MYCBP2: variants seen among roughly 807,000 people sequenced by gnomAD.
The protein encoded by MYCBP2 is MYC binding protein 2.
In MYCBP2, 120 loss-of-function variants were observed where a neutral mutation model predicts 525.3. The ratio of observed to expected loss-of-function variants is 0.23; its 90% CI spans 0.20 to 0.27. MYCBP2 has a LOEUF of 0.27. MYCBP2 is among the 10% of genes least tolerant of loss of function. MYCBP2 has a pLI of 1.00. For missense variants in MYCBP2, 4,149 were observed against 5,657.1 expected (o/e 0.73, Z 8.55); for synonymous variants, 1,894 against 1,955.8 (o/e 0.97, Z 0.83).
At chr13:77,169,215 T>C (rs12875012) in intron 39 of MYCBP2, among the ~76,000 whole-genome samples, 5 of 151,778 alleles carry the variant, frequency 3.3e-5, no homozygotes. Flanking sequence ...GAGACCACGG[T>C]GAAACCCCGT....
intron 49 of MYCBP2, 36 bp downstream of exon 49, chr13:77,144,409 G>T: frequency 1.4e-6 from 2 of 1,396,342 alleles, no homozygotes; most frequent in Non-Finnish European, 2.0e-6. Context: ...CTAGTTATTT[G>T]AAGTAAGTAG....
At chr13:77,178,386 C>T (rs1358937119) in intron 34 of MYCBP2, among the ~76,000 whole-genome samples, 1 of 152,150 alleles carries the variant, frequency 6.6e-6, no homozygotes, top group African/African-American at 2.4e-5. Flanking sequence ...TTATGGTTCC[C>T]CTCTTCAACC....
intron 20 of MYCBP2, among the ~76,000 whole-genome samples, chr13:77,223,013 T>C (rs1170851962): frequency 6.6e-6 from 1 of 152,178 alleles, no homozygotes; most frequent in Non-Finnish European, 1.5e-5. Flanking sequence ...CTGAGTGAAG[T>C]CTGGCTTGAA....
In MYCBP2 at chr13:77,160,065, C is replaced by CTT. The variant is rs34051925; in HGVS notation, c.6597+1839_6597+1840dup. Among the ~76,000 whole-genome samples, 639 of 136,234 alleles carry CTT rather than the reference C, an allele frequency of 4.7e-3. 5 individuals are homozygous for CTT. The highest frequency in any genetic ancestry group is 7.9e-3 in the Non-Finnish European group (501 of 63,172). The allele number at this position is 136,234 out of a possible 152,430, so 89.4% of individuals were successfully genotyped here. On this transcript the variant is annotated intron_variant, in intron 44 of 82. Transcript: ENST00000544440. ...AGAAGACAGTGTTCAAAATCACAAA[C>CTT]TTTTTTTTTTTTTTTTTTGAGACGG...
chr13:77,276,816 G>GTTTTTTTTTTTTTTTTTTTTTTTT (rs397851660), intron 4 of MYCBP2, among the ~76,000 whole-genome samples: 1 of 76,232 alleles, frequency 1.3e-5, no homozygotes, highest in African/African-American at 5.7e-5. Context: ...TCCATGCCCA[G>GTTTTTTTTTTTTTTTTTTTTTTTT]TTTTTTTTTT....
Position 77,191,782 on chromosome 13 carries a change from C to A in MYCBP2, c.3967G>T (p.Val1323Phe). 1 of 1,614,050 alleles carries A rather than the reference C, an allele frequency of 6.2e-7. No homozygotes were observed. ...TACCACCACCCAGCTTGCAGGAGAA[C>A]AGGCTCATCAAACATCATTGCATAT... is the stretch of plus-strand genomic sequence containing the variant. ...EKYAMMFDEP[V>F]LLQAGWWYVA... The change falls in exon 28 of 83, where the codon GTT becomes TTT. Residue 1323 changes from valine (V) to phenylalanine (F), a missense_variant. Transcript: ENST00000544440.
In MYCBP2 at chr13:77,180,259, G is replaced by A. The variant is rs1312695476; in HGVS notation, c.5001C>T (p.Val1667=). ...SFREVLEKML[V]IVVLPVRNSL... is the part of the protein sequence containing the mutation. ...TGTTCCTGACTGGTAGCACAACAAT[G>A]ACCAGCATTTTCTCCAGAACTTCAC... The change falls in exon 34 of 83, where the codon GTC becomes GTT. Residue 1667 remains valine, a synonymous_variant. Transcript: ENST00000544440. The A allele has an allele frequency of 6.8e-6, 11 of 1,614,132 alleles. No homozygotes were observed. The Middle Eastern group carries it at 4.9e-4, about 73-fold the overall frequency.
At position 77,126,506 on chromosome 13, in the gene MYCBP2, T is replaced by C. The variant is rs930158513; in HGVS notation, c.7696A>G (p.Ile2566Val). The change falls in exon 53 of 83, where the codon ATA (isoleucine) becomes GTA (valine). Residue 2566 changes from isoleucine to valine, a missense_variant. Physicochemically the swap from Ile to Val is conservative, Grantham distance 29 (BLOSUM62 3). Coordinates refer to ENST00000544440, the MANE Select transcript of MYCBP2 (RefSeq NM_015057.5). ...GCTTCCTGTGGGCAGCAGGAGTTTA[T>C]GTCTTTGAAAAAGTCATCAGTATTA... ...KTNTDDFFKD[I>V]NSCCPQEATM... is the part of the protein sequence containing the mutation. 8 of 1,613,810 alleles carry C rather than the reference T, an allele frequency of 5.0e-6. No homozygotes were observed. Among genetic ancestry groups the C allele is most frequent in the Middle Eastern group, 1.7e-4 (1 of 6,048 alleles).
chr13:77,127,490 G>T (rs1249608833), intron 52 of MYCBP2, among the ~76,000 whole-genome samples: 1 of 151,724 alleles, frequency 6.6e-6, no homozygotes, highest in Non-Finnish European at 1.5e-5. Flanking sequence ...CTTTAAAAGA[G>T]ATTTAAAACT....
rs1236743429 is a variant in MYCBP2 at position 77,093,320 on chromosome 13, T to A, written c.10212A>T (p.Glu3404Asp). ...TGTCATCTTGATAGCCCACAAAATT[T>A]TCATGATGATGCCTGCATTAAATCA... is the stretch of plus-strand genomic sequence containing the variant. ...YLQTLARHHH[E>D]NFVGYQDDNL... Residue 3404 changes from glutamate (E) to aspartate (D), a missense_variant, in exon 59 of 83, where the codon GAA becomes GAT. Physicochemically the swap from Glu to Asp is conservative, Grantham distance 45. This residue lies in a region of MYCBP2 where 509 missense variants were observed against 789.4 expected (regional missense o/e 0.64). Transcript: ENST00000544440. 1 of 1,613,046 alleles carries A rather than the reference T, an allele frequency of 6.2e-7. No homozygotes were observed. The highest frequency in any genetic ancestry group is 8.5e-7 in the Non-Finnish European group (1 of 1,179,394).
At chr13:77,153,768 A>T (rs2056848957) in intron 46 of MYCBP2, among the ~76,000 whole-genome samples, 1 of 150,918 alleles carries the variant, frequency 6.6e-6, no homozygotes, top group Non-Finnish European at 1.5e-5. Context: ...TTTTTAATTC[A>T]CAGGAAGTTT....
intron 34 of MYCBP2, among the ~76,000 whole-genome samples, chr13:77,178,349 A>C (rs1214379724): frequency 6.6e-6 from 1 of 152,210 alleles, no homozygotes; most frequent in African/African-American, 2.4e-5. Context: ...AATTCTGCAG[A>C]GATAGGTGTG....
intron 3 of MYCBP2, among the ~76,000 whole-genome samples, chr13:77,280,077 T>C (rs2076032307): frequency 6.6e-6 from 1 of 152,234 alleles, no homozygotes; most frequent in Non-Finnish European, 1.5e-5. Flanking sequence ...ACTAAATTGT[T>C]TGCTAAAAAA....
At chr13:77,273,702 C>T in intron 4 of MYCBP2, 34 bp from the exon 5 acceptor site, 1 of 1,410,458 alleles carries the variant, frequency 7.1e-7, no homozygotes, top group Non-Finnish European at 9.4e-7. Context: ...TATATTCATC[C>T]AACATACGGA....
At chr13:77,056,203 G>T (rs1401761692) in intron 79 of MYCBP2, among the ~76,000 whole-genome samples, 1 of 148,618 alleles carries the variant, frequency 6.7e-6, no homozygotes, top group Non-Finnish European at 1.5e-5. Flanking sequence ...TGACAGAAGT[G>T]AACAGGTAGT....
intron 71 of MYCBP2, 81 bp downstream of exon 71, chr13:77,067,500 A>G (rs970096029): frequency 3.5e-6 from 5 of 1,438,506 alleles, no homozygotes; most frequent in Non-Finnish European, 9.5e-7. Context: ...TAACAAGGTA[A>G]AATCTGAAAT....
rs1386133441 is a variant in MYCBP2 at position 77,250,702 on chromosome 13, G to A, written c.2381+449C>T. On this transcript the variant is annotated intron_variant, in intron 15 of 82. Coordinates refer to ENST00000544440, the MANE Select transcript of MYCBP2 (RefSeq NM_015057.5). ...GTAACTTTAGAAGCAAGCATACAAC[G>A]TTTCTAAATTTATAAATGGTACATT... is the stretch of plus-strand genomic sequence containing the variant. Among the ~76,000 whole-genome samples, 8 of 152,152 alleles carry A rather than the reference G, an allele frequency of 5.3e-5. No homozygotes were observed. The East Asian group carries it at 1.2e-3, about 22-fold the overall frequency.
At chr13:77,089,507 C>T (rs1474674555) in intron 60 of MYCBP2, among the ~76,000 whole-genome samples, 1 of 152,038 alleles carries the variant, frequency 6.6e-6, no homozygotes, top group Non-Finnish European at 1.5e-5. Context: ...TAGGCCAAAT[C>T]TTCATTTTAG....
At chr13:77,289,176 G>C (rs969888164) in intron 2 of MYCBP2, among the ~76,000 whole-genome samples, 3 of 151,258 alleles carry the variant, frequency 2.0e-5, no homozygotes, top group African/African-American at 4.9e-5. Flanking sequence ...CCAAATATTC[G>C]ACTCTTCTTC....
Sources: allele counts gnomAD v4.1 joint callset (sites outside exome capture counted in the v4.1 genomes callset), GRCh38; gene constraint gnomAD v4.1.1; regional missense constraint gnomAD v4.1.1; transcripts MANE v1.5; gene names NCBI Gene and HGNC (gene_info 2026-07-23, HGNC 2026-07-21).